Variants in SDK1 observed in about 807,000 individuals in gnomAD.
SDK1 encodes protein sidekick-1.
A neutral mutation model predicts 245.5 loss-of-function variants in SDK1; 157 were observed. The ratio of observed to expected loss-of-function variants is 0.64; its 90% CI spans 0.56 to 0.73. The LOEUF is 0.73. Among genes scored for constraint, SDK1 ranks in the 30% least tolerant of loss-of-function variants. SDK1 has a pLI of 0.00. For missense variants in SDK1, 3,583 were observed against 3,002.3 expected, an observed-to-expected ratio of 1.19 and a Z score of -4.52; for synonymous variants, 1,647 against 1,278.5, an observed-to-expected ratio of 1.29 and a Z score of -6.15.
intron 38 of SDK1, among the ~76,000 whole-genome samples, chr7:4,214,136 G>A (rs541804780): frequency 1.3e-5 from 2 of 152,214 alleles, no homozygotes; most frequent in South Asian, 2.1e-4. Context: ...AAATAATGAC[G>A]AGGGTTGGGA....
At position 3,950,847 on chromosome 7, in the gene SDK1, C is replaced by T. The variant is rs117359857; in HGVS notation, c.848-76C>T. 4.3e-3 allele frequency: 4,893 copies of T among 1,128,092 alleles called. 75 individuals carry two copies. The highest frequency in any genetic ancestry group is 0.032 in the South Asian group (2,464 of 76,262). 69.9% of individuals were successfully genotyped at this position (1,128,092 alleles called of 1,614,324 possible). On this transcript the variant is annotated intron_variant, in intron 5 of 44. Transcript: ENST00000404826. The stretch of plus-strand genomic sequence containing the variant: ...TTAGGTATCCCCGGGGGTCTTGGAA[C>T]GTGTCCCCTCAGATAACGGCGGGGG...
intron 21 of SDK1, 67 bp from the exon 22 acceptor site, chr7:4,079,396 G>T: frequency 6.3e-7 from 1 of 1,577,582 alleles, no homozygotes; most frequent in East Asian, 2.3e-5. Context: ...AAGCTGACAC[G>T]TTTGATACCT....
intron 1 of SDK1, among the ~76,000 whole-genome samples, chr7:3,557,665 T>C (rs900601701): frequency 2.0e-5 from 3 of 152,226 alleles, no homozygotes; most frequent in African/African-American, 7.2e-5. Flanking sequence ...GCTTTCAAAA[T>C]GTTGCCATTG....
intron 4 of SDK1, among the ~76,000 whole-genome samples, chr7:3,706,909 T>C (rs928847822): frequency 3.3e-5 from 5 of 152,212 alleles, no homozygotes; most frequent in Non-Finnish European, 7.3e-5. Context: ...TTGTAATGTC[T>C]CTAGTTTTAT....
At chr7:3,448,625 TTCTATATATGGTGAGATATGTGAG>T (rs1402231905) in intron 1 of SDK1, among the ~76,000 whole-genome samples, 1 of 152,226 alleles carries the variant, frequency 6.6e-6, no homozygotes, top group Non-Finnish European at 1.5e-5. Flanking sequence ...TGGATTTTAC[TTCTATATATGGTGAGATATGTGAG>T]TCAAGCTTTG....
chr7:3,484,460 C>G (rs1781616276), intron 1 of SDK1, among the ~76,000 whole-genome samples: 1 of 152,144 alleles, frequency 6.6e-6, no homozygotes, highest in Non-Finnish European at 1.5e-5. Flanking sequence ...CCCATGTAGA[C>G]CGAGGAACGG....
At chr7:3,985,028 C>A (rs545744789) in intron 13 of SDK1, among the ~76,000 whole-genome samples, 2 of 152,166 alleles carry the variant, frequency 1.3e-5, no homozygotes, top group Non-Finnish European at 1.5e-5. Context: ...TAGTCCCCAG[C>A]CCCCTCCACT....
chr7:3,701,993 A>T (rs180980645), intron 4 of SDK1, among the ~76,000 whole-genome samples: 1 of 152,060 alleles, frequency 6.6e-6, no homozygotes, highest in Admixed American at 6.5e-5. Context: ...CTTTATATAA[A>T]AATTTACTTA....
At chr7:4,219,827 C>T (rs1785039037) in intron 38 of SDK1, among the ~76,000 whole-genome samples, 1 of 150,828 alleles carries the variant, frequency 6.6e-6, no homozygotes, top group South Asian at 2.1e-4. Flanking sequence ...CCCTCCCCTC[C>T]CCGCTCCTCC....
chr7:3,572,428 G>A (rs759194488), intron 1 of SDK1, among the ~76,000 whole-genome samples: 2 of 151,932 alleles, frequency 1.3e-5, no homozygotes, highest in African/African-American at 2.4e-5. Flanking sequence ...CAAGACCTAG[G>A]CTTGGCGTAG....
At chr7:4,025,974 C>A (rs533608790) in intron 17 of SDK1, among the ~76,000 whole-genome samples, 3 of 152,232 alleles carry the variant, frequency 2.0e-5, no homozygotes, top group African/African-American at 7.2e-5. Flanking sequence ...TCCTCCTCCC[C>A]CTCCCCTGCT....
At position 4,139,409 on chromosome 7, in the gene SDK1, G is replaced by A. The variant is rs143735625; in HGVS notation, c.4229-6313G>A. Reference sequence around the variant, plus strand: ...TACGTGTGTGTGTATATGTGTGTGTGTATATGTGTGTGTGTGTATGTATAT... The same window carrying A: ...TACGTGTGTGTGTATATGTGTGTGTATATATGTGTGTGTGTGTATGTATAT... On this transcript the variant is annotated intron_variant, in intron 28 of 44. Transcript: ENST00000404826. Among the ~76,000 whole-genome samples, 21 of 120,706 alleles carry A rather than the reference G, an allele frequency of 1.7e-4. 1 individual carries two copies. Among genetic ancestry groups the A allele is most frequent in the East Asian group, 4.7e-4 (2 of 4,266 alleles). The allele number at this position is 120,706 out of a possible 152,430, so 79.2% of individuals were successfully genotyped here.
At chr7:3,861,228 G>A (rs1179747849) in intron 5 of SDK1, among the ~76,000 whole-genome samples, 3 of 152,176 alleles carry the variant, frequency 2.0e-5, no homozygotes, top group Admixed American at 6.5e-5. Flanking sequence ...TAGCTAGGAT[G>A]CAATATTATA....
chr7:3,836,584 G>A (rs960788879), intron 5 of SDK1, among the ~76,000 whole-genome samples: 2 of 152,200 alleles, frequency 1.3e-5, no homozygotes, highest in Non-Finnish European at 2.9e-5. Flanking sequence ...AAGGGAACAT[G>A]TAGAAGCAAC....
chr7:3,655,387 CG>C (rs1419905644), intron 4 of SDK1, among the ~76,000 whole-genome samples: 2 of 144,410 alleles, frequency 1.4e-5, no homozygotes, highest in Admixed American at 1.4e-4. Context: ...GAGCCGAGAT[CG>C]CAGCATTGCT....
At chr7:3,366,352 C>G (rs934142295) in intron 1 of SDK1, among the ~76,000 whole-genome samples, 10 of 146,360 alleles carry the variant, frequency 6.8e-5, no homozygotes, top group Admixed American at 3.4e-4. Flanking sequence ...CTCCTCCTTT[C>G]TTTTTTTTTT....
In SDK1 at chr7:4,051,848, C is replaced by G; in HGVS notation, c.2911+18C>G. On this transcript the variant is annotated intron_variant, in intron 19 of 44. Transcript: ENST00000404826. The stretch of plus-strand genomic sequence containing the variant: ...GGAAGACAGTGAGTATTCCTTTCTG[C>G]GTGTCTCTTAAGTCACTTGTCAAAG... 1 of 1,596,158 alleles carries G rather than the reference C, an allele frequency of 6.3e-7. No individual in the cohort carries two copies. Among genetic ancestry groups the G allele is most frequent in the South Asian group, 1.1e-5 (1 of 89,970 alleles).
chr7:4,149,722 C>G (rs375603158), intron 30 of SDK1, among the ~76,000 whole-genome samples: 2 of 152,050 alleles, frequency 1.3e-5, no homozygotes, highest in Non-Finnish European at 2.9e-5. Context: ...ACCCCAGGAC[C>G]CAGGGATTGG....
At chr7:3,942,097 G>A (rs756049831) in intron 5 of SDK1, among the ~76,000 whole-genome samples, 10 of 151,940 alleles carry the variant, frequency 6.6e-5, no homozygotes, top group Non-Finnish European at 1.0e-4. Flanking sequence ...TAGTGGAGAC[G>A]GGGTTTCACC....
Sources: gnomAD v4.1 joint callset for allele counts (sites outside exome capture counted in the v4.1 genomes callset) on GRCh38, gnomAD v4.1.1 for gene constraint, MANE v1.5 for transcripts, NCBI Gene and HGNC (gene_info 2026-07-23, HGNC 2026-07-21) for gene names.